Variants in BNC2 observed in about 807,000 individuals in gnomAD.
BNC2 encodes the protein zinc finger protein basonuclin-2.
Under a neutral mutation model 76.3 loss-of-function variants are expected in BNC2, and 20 were observed. The observed-to-expected ratio is 0.26, with a 90% CI of 0.18 to 0.38. The LOEUF is 0.38. Among genes scored for constraint, BNC2 ranks in the 10% least tolerant of loss-of-function variants. BNC2 has a pLI of 1.00. For missense variants in BNC2, 1,382 were observed against 1,399.8 expected (o/e 0.99, Z 0.20); for synonymous variants, 582 against 514.8 (o/e 1.13, Z -1.77).
chr9:16,741,957 CAAAAAAA>C (rs35573018), intron 1 of BNC2, among the ~76,000 whole-genome samples: 1 of 79,400 alleles, frequency 1.3e-5, no homozygotes, highest in Non-Finnish European at 2.2e-5. Flanking sequence ...GGCTCCATCT[CAAAAAAA>C]AAAAAAAAAA....
In BNC2 at chr9:16,437,033, C is replaced by G; in HGVS notation, c.1161G>C (p.Leu387=). 1 of 1,614,010 alleles carries G rather than the reference C, an allele frequency of 6.2e-7. No individual in the cohort carries two copies. The highest frequency in any genetic ancestry group is 8.5e-7 in the Non-Finnish European group (1 of 1,180,016). The stretch of plus-strand genomic sequence containing the variant: ...TGGGCTCCACATTAGTAATGCTGGT[C>G]AGGGCATTTCTATTGGGTGTTTGAT... The part of the protein sequence containing the change: ...KNDQTPNRNA[L]TSITNVEPKT... The change falls in exon 6 of 7, where the codon CTG becomes CTC. Residue 387 remains leucine (L), a synonymous_variant. Transcript: ENST00000380672.
intron 3 of BNC2, among the ~76,000 whole-genome samples, chr9:16,600,619 T>C (rs1820218426): frequency 6.6e-6 from 1 of 152,192 alleles, no homozygotes; most frequent in South Asian, 2.1e-4. Context: ...ATTTTTAATG[T>C]TTACCTATAT....
At chr9:16,755,531 G>T (rs1286147497) in intron 1 of BNC2, among the ~76,000 whole-genome samples, 1 of 151,976 alleles carries the variant, frequency 6.6e-6, no homozygotes, top group Non-Finnish European at 1.5e-5. Flanking sequence ...CAAAAGAGAT[G>T]ACCCCCCCAT....
chr9:16,459,114 T>G (rs569491138), intron 5 of BNC2, among the ~76,000 whole-genome samples: 4 of 152,198 alleles, frequency 2.6e-5, no homozygotes, highest in African/African-American at 7.2e-5. Flanking sequence ...TAGAGTTAAA[T>G]AGAAGCCAAA....
At chr9:16,641,619 T>C (rs181812957) in intron 3 of BNC2, among the ~76,000 whole-genome samples, 4 of 152,304 alleles carry the variant, frequency 2.6e-5, no homozygotes, top group African/African-American at 7.2e-5. Flanking sequence ...AAATTACATA[T>C]TGGACTAAAC....
intron 3 of BNC2, among the ~76,000 whole-genome samples, chr9:16,616,800 GAAGGAAGGAAGGAAGGAAGA>G (rs1208221560): frequency 3.5e-4 from 52 of 147,088 alleles, no homozygotes; most frequent in African/African-American, 8.5e-4. Flanking sequence ...GGGAAGGAAG[GAAGGAAGGAAGGAAGGAAGA>G]AAGGAAGGAA....
At chr9:16,621,638 C>T (rs1820870430) in intron 3 of BNC2, among the ~76,000 whole-genome samples, 1 of 152,070 alleles carries the variant, frequency 6.6e-6, no homozygotes, top group Non-Finnish European at 1.5e-5. Flanking sequence ...CCTTTAAAAG[C>T]TACTACACTG....
chr9:16,542,183 T>G (rs905823279), intron 5 of BNC2, among the ~76,000 whole-genome samples: 2 of 152,110 alleles, frequency 1.3e-5, no homozygotes, highest in African/African-American at 4.8e-5. Flanking sequence ...CCTTTGGTTC[T>G]CAAAGTCTTT....
At chr9:16,465,895 T>C (rs2131309014) in intron 5 of BNC2, among the ~76,000 whole-genome samples, 2 of 150,932 alleles carry the variant, frequency 1.3e-5, no homozygotes, top group South Asian at 4.2e-4. Context: ...AAATTGTCCC[T>C]GTTTGCAGAC....
At chr9:16,605,310 C>T (rs2133353075) in intron 3 of BNC2, among the ~76,000 whole-genome samples, 1 of 152,352 alleles carries the variant, frequency 6.6e-6, no homozygotes, top group African/African-American at 2.4e-5. Flanking sequence ...TACGCACTTA[C>T]TATCAAGCAG....
At chr9:16,824,515 G>A (rs1051437756) in intron 1 of BNC2, among the ~76,000 whole-genome samples, 3 of 152,142 alleles carry the variant, frequency 2.0e-5, no homozygotes, top group East Asian at 3.9e-4. Flanking sequence ...CTCCCAAACT[G>A]TTATCTCCTT....
intron 3 of BNC2, among the ~76,000 whole-genome samples, chr9:16,621,608 CTT>C (rs1820869762): frequency 6.6e-6 from 1 of 152,118 alleles, no homozygotes; most frequent in African/African-American, 2.4e-5. Context: ...CAAAATAAGA[CTT>C]TGAAAATCCA....
chr9:16,434,875 A>T (rs1319107321), intron 6 of BNC2: 1 of 460,556 alleles, frequency 2.2e-6, no homozygotes, highest in Admixed American at 2.3e-5. Flanking sequence ...GTGCTCAAAG[A>T]CATTATGAAG....
chr9:16,571,258 T>A (rs1819314893), intron 4 of BNC2, among the ~76,000 whole-genome samples: 1 of 152,184 alleles, frequency 6.6e-6, no homozygotes, highest in Admixed American at 6.5e-5. Context: ...GTGTTTTAAA[T>A]ATATCCAAAC....
At chr9:16,560,691 T>C (rs1184702731) in intron 4 of BNC2, among the ~76,000 whole-genome samples, 1 of 152,206 alleles carries the variant, frequency 6.6e-6, no homozygotes, top group African/African-American at 2.4e-5. Context: ...TCCTGCACTA[T>C]ACTCCAGCGT....
chr9:16,566,627 C>T (rs2132763547), intron 4 of BNC2, among the ~76,000 whole-genome samples: 1 of 152,220 alleles, frequency 6.6e-6, no homozygotes, highest in African/African-American at 2.4e-5. Context: ...TTGCAAGGTA[C>T]ACAGACTGAA....
At chr9:16,464,498 A>G (rs1444887732) in intron 5 of BNC2, among the ~76,000 whole-genome samples, 8 of 152,228 alleles carry the variant, frequency 5.3e-5, no homozygotes, top group African/African-American at 1.7e-4. Flanking sequence ...CTAGCACATC[A>G]TACATGAAGA....
At chr9:16,815,081 T>TA (rs1818149396) in intron 1 of BNC2, among the ~76,000 whole-genome samples, 1 of 152,256 alleles carries the variant, frequency 6.6e-6, no homozygotes, top group East Asian at 1.9e-4. Flanking sequence ...CAGCAAGACT[T>TA]ACACTCGTTT....
Position 16,419,024 on chromosome 9 carries a change from G to A in BNC2, c.3265C>T (p.Leu1089Phe). 1 of 1,614,150 alleles carries A rather than the reference G, an allele frequency of 6.2e-7. No individual in the cohort carries two copies. The highest frequency in any genetic ancestry group is 8.5e-7 in the Non-Finnish European group (1 of 1,180,026). Reference sequence around the variant, plus strand: ...GAAGTGAAGGGAATGTTTTTGTGGAGATTAGGGTTCTGACTGTGCCGATTT... The same window carrying A: ...GAAGTGAAGGGAATGTTTTTGTGGAAATTAGGGTTCTGACTGTGCCGATTT... ...SRNRHSQNPN[L>F]HKNIPFTSVD The change falls in exon 7 of 7, where the codon CTC becomes TTC. Residue 1089 changes from leucine (L) to phenylalanine (F), a missense_variant. Physicochemically the swap from Leu to Phe is conservative, Grantham distance 22. Coordinates refer to ENST00000380672, the MANE Select transcript of BNC2 (RefSeq NM_017637.6).
Sources: gnomAD v4.1 joint callset for allele counts (sites outside exome capture counted in the v4.1 genomes callset) on GRCh38, gnomAD v4.1.1 for gene constraint, MANE v1.5 for transcripts, NCBI Gene and HGNC (gene_info 2026-07-23, HGNC 2026-07-21) for gene names.